ADGRL2: variants seen among roughly 807,000 people sequenced by gnomAD.
The protein encoded by ADGRL2 is calcium-independent alpha-latrotoxin receptor 2.
A neutral mutation model predicts 157.4 loss-of-function variants in ADGRL2; 44 were observed. The observed-to-expected ratio is 0.28, with a 90% CI of 0.22 to 0.36. ADGRL2 has a LOEUF of 0.36. ADGRL2 is among the 10% of genes least tolerant of loss of function. ADGRL2 has a pLI of 1.00. For synonymous variants in ADGRL2, 585 were observed against 624.7 expected, an observed-to-expected ratio of 0.94 and a Z score of 0.95; for missense variants, 1,510 against 1,768.9, an observed-to-expected ratio of 0.85 and a Z score of 2.63.
intron 1 of ADGRL2, among the ~76,000 whole-genome samples, chr1:81,383,781 G>A (rs1214332861): frequency 3.5e-5 from 5 of 143,548 alleles, no homozygotes; most frequent in East Asian, 2.0e-4. Flanking sequence ...TGGCTAACAC[G>A]GTGAACTCCC....
chr1:81,975,339 C>G (rs1189324029), intron 17 of ADGRL2, among the ~76,000 whole-genome samples: 1 of 152,074 alleles, frequency 6.6e-6, no homozygotes, highest in African/African-American at 2.4e-5. Flanking sequence ...CTCACTGATG[C>G]ATGCAGCCTT....
intron 1 of ADGRL2, among the ~76,000 whole-genome samples, chr1:81,748,309 T>C (rs2085370438): frequency 6.6e-6 from 1 of 151,658 alleles, no homozygotes; most frequent in Non-Finnish European, 1.5e-5. Flanking sequence ...AAATCCCGTC[T>C]CTACTAAAAA....
At chr1:81,327,109 G>A (rs1218118594) in intron 1 of ADGRL2, among the ~76,000 whole-genome samples, 1 of 152,030 alleles carries the variant, frequency 6.6e-6, no homozygotes, top group African/African-American at 2.4e-5. Context: ...GAGTACAAAA[G>A]GATATGCCTC....
intron 2 of ADGRL2, among the ~76,000 whole-genome samples, chr1:81,765,449 T>C (rs2086083133): frequency 6.6e-6 from 1 of 152,058 alleles, no homozygotes; most frequent in Non-Finnish European, 1.5e-5. Context: ...TTTGTAAGTG[T>C]GCTAATTTAA....
At chr1:81,523,568 T>C (rs2148184249) in intron 2 of ADGRL2, among the ~76,000 whole-genome samples, 1 of 151,938 alleles carries the variant, frequency 6.6e-6, no homozygotes, top group South Asian at 2.1e-4. Flanking sequence ...GAAAAGAAAA[T>C]ACATTTAAAT....
chr1:81,736,405 T>C (rs72715754), intron 1 of ADGRL2, among the ~76,000 whole-genome samples: 2,931 of 152,310 alleles, frequency 0.019, 41 homozygotes, highest in South Asian at 0.052. Context: ...CCCGTATCTT[T>C]CTCTTCTAAC....
rs148256084 is a variant in ADGRL2 at position 81,575,407 on chromosome 1, A to G, written c.-247-5469A>G. ...TTTTGCCTTTGGTTTAGGACAAATT[A>G]TGCACATACCCACAAGAGAAACAGT... On this transcript the variant is annotated intron_variant, in intron 2 of 24. Coordinates refer to the ADGRL2 transcript ENST00000370721. 4.7e-4 allele frequency among the ~76,000 whole-genome samples: 72 copies of G among 152,284 alleles called. 2 individuals are homozygous for G. Among genetic ancestry groups the G allele is most frequent in the South Asian group, 4.1e-3 (20 of 4,826 alleles).
At chr1:81,403,239 G>T (rs113331022) in intron 1 of ADGRL2, among the ~76,000 whole-genome samples, 13 of 28,990 alleles carry the variant, frequency 4.5e-4, no homozygotes, top group South Asian at 2.6e-3. Context: ...TTTTTTTTTT[G>T]TTGTTGTTTG....
At chr1:81,623,559 A>C (rs12045179) in intron 3 of ADGRL2, among the ~76,000 whole-genome samples, 59,841 of 151,096 alleles carry the variant, frequency 0.4, 12,376 homozygotes, top group African/African-American at 0.51. Context: ...GAAATAGGGT[A>C]TTTGCAGATG....
At chr1:81,347,361 A>G (rs1052912346) in intron 1 of ADGRL2, among the ~76,000 whole-genome samples, 11 of 152,074 alleles carry the variant, frequency 7.2e-5, no homozygotes, top group African/African-American at 2.7e-4. Flanking sequence ...AGATCATGCC[A>G]TTGCACTCCA....
intron 1 of ADGRL2, among the ~76,000 whole-genome samples, chr1:81,802,935 G>T (rs2088496244): frequency 6.6e-6 from 1 of 152,116 alleles, no homozygotes; most frequent in Non-Finnish European, 1.5e-5. Flanking sequence ...GAGCGGCGGG[G>T]CTGCTGCTGC....
chr1:81,888,636 G>A (rs562668644), intron 2 of ADGRL2, among the ~76,000 whole-genome samples: 1 of 152,022 alleles, frequency 6.6e-6, no homozygotes, highest in Non-Finnish European at 1.5e-5. Context: ...TAGAGACGGG[G>A]TTTCACCTTG....
At chr1:81,669,612 A>G (rs957757764) in intron 3 of ADGRL2, among the ~76,000 whole-genome samples, 13 of 152,164 alleles carry the variant, frequency 8.5e-5, no homozygotes, top group African/African-American at 3.1e-4. Flanking sequence ...GATGGGTGCT[A>G]TGAAGAAAAA....
chr1:81,809,709 A>G (rs1229455617), intron 1 of ADGRL2, among the ~76,000 whole-genome samples: 1 of 152,038 alleles, frequency 6.6e-6, no homozygotes, highest in Non-Finnish European at 1.5e-5. Flanking sequence ...ACACATATGT[A>G]CATACATAAA....
chr1:81,910,598 T>G (rs1162637527), intron 3 of ADGRL2, among the ~76,000 whole-genome samples: 1 of 151,350 alleles, frequency 6.6e-6, no homozygotes, highest in Non-Finnish European at 1.5e-5. Context: ...TTTTTCTGTA[T>G]TAGATACGAG....
intron 3 of ADGRL2, among the ~76,000 whole-genome samples, chr1:81,611,361 G>A (rs1188565378): frequency 2.0e-5 from 3 of 152,128 alleles, no homozygotes; most frequent in Admixed American, 1.3e-4. Context: ...ATTTGTAAAA[G>A]GGAAATAATC....
Position 81,711,946 on chromosome 1 carries a change from A to G in ADGRL2, c.-143+12138A>G, listed in dbSNP as rs190559653. Among the ~76,000 whole-genome samples the G allele has an allele frequency of 6.0e-3, 913 of 152,280 alleles. 1 individual carries two copies. The highest frequency in any genetic ancestry group is 0.011 in the Admixed American group (169 of 15,298). On this transcript the variant is annotated intron_variant, in intron 1 of 20. Coordinates refer to the ADGRL2 transcript ENST00000359929. ...AATAAGTACAATGATAGAGGAAAGC[A>G]AAAAAATATTTTCAGAGCACTCTAA...
intron 3 of ADGRL2, among the ~76,000 whole-genome samples, 199 bp from the exon 4 acceptor site, chr1:81,936,529 A>G (rs575012470): frequency 1.3e-5 from 2 of 151,986 alleles, no homozygotes; most frequent in South Asian, 4.1e-4. Flanking sequence ...AGTGTGACCC[A>G]TGATACCACT....
chr1:81,599,454 T>C (rs1337930746), intron 3 of ADGRL2, among the ~76,000 whole-genome samples: 3 of 152,082 alleles, frequency 2.0e-5, no homozygotes, highest in Admixed American at 2.0e-4. Flanking sequence ...TAAAAGTGAG[T>C]GCCACCTTTA....
Sources: gnomAD v4.1 joint callset for allele counts (sites outside exome capture counted in the v4.1 genomes callset) on GRCh38, gnomAD v4.1.1 for gene constraint, MANE v1.5 for transcripts, NCBI Gene and HGNC (gene_info 2026-07-23, HGNC 2026-07-21) for gene names.